The following GPAT4 variants were observed in gnomAD, a reference collection of about 807,000 sequenced individuals.
GPAT4 encodes the protein 1-AGP acyltransferase 6.
In GPAT4, 17 loss-of-function variants were observed where a neutral mutation model predicts 58.0. The observed-to-expected ratio is 0.29, with a 90% CI of 0.20 to 0.44. The LOEUF is 0.44. GPAT4 is among the 20% of genes least tolerant of loss of function. GPAT4 has a pLI of 1.00. For synonymous variants in GPAT4, 204 were observed against 210.1 expected, an observed-to-expected ratio of 0.97 and a Z score of 0.25; for missense variants, 377 against 574.5, an observed-to-expected ratio of 0.66 and a Z score of 3.51.
At position 41,599,171 on chromosome 8, in the gene GPAT4, T is replaced by C; in HGVS notation, c.32T>C (p.Ile11Thr). 6.2e-7 allele frequency: 1 copy of C among 1,613,158 alleles called. No homozygotes were observed. The highest frequency in any genetic ancestry group is 1.3e-5 in the African/African-American group (1 of 74,962). The part of the protein sequence containing the change: MFLLLPFDSL[I>T]VNLLGISLTV... The stretch of plus-strand genomic sequence containing the variant: ...CTGTTGCTGCCTTTTGATAGCCTGA[T>C]TGTCAACCTTCTGGGCATCTCCCTG... Residue 11 changes from isoleucine (I) to threonine (T), a missense_variant, in exon 2 of 13, where the codon ATT becomes ACT. Transcript: ENST00000396987.
chr8:41,600,560 GTACT>G (rs1466181547), intron 2 of GPAT4, among the ~76,000 whole-genome samples: 1 of 150,782 alleles, frequency 6.6e-6, no homozygotes, highest in Non-Finnish European at 1.5e-5. Context: ...TTCTTTTTTG[GTACT>G]TAGTATGTCT....
At position 41,583,455 on chromosome 8, in the gene GPAT4, T is replaced by A. The variant is rs550473551; in HGVS notation, c.-849+5177T>A. On this transcript the variant is annotated intron_variant, in intron 1 of 12. Transcript: ENST00000396987. ...GATTTGAAAGTCAATTTAAATTTTT[T>A]TAAAAAAATTGTATAAAGTAGAAAC... is the stretch of plus-strand genomic sequence containing the variant. Among the ~76,000 whole-genome samples the A allele has an allele frequency of 9.2e-5, 14 of 152,148 alleles. No homozygotes were observed. The East Asian group carries it at 1.5e-3, about 17-fold the overall frequency.
chr8:41,605,480 G>T (rs1023924246), intron 2 of GPAT4, among the ~76,000 whole-genome samples: 1 of 152,196 alleles, frequency 6.6e-6, no homozygotes, highest in Non-Finnish European at 1.5e-5. Context: ...AAAACACGGC[G>T]CATGGAGGGA....
intron 1 of GPAT4, among the ~76,000 whole-genome samples, chr8:41,597,859 G>A (rs755174068): frequency 6.6e-6 from 1 of 151,452 alleles, no homozygotes; most frequent in Non-Finnish European, 1.5e-5. Context: ...ATTGGTGACG[G>A]AGAACCATTG....
chr8:41,609,129 C>T (rs1803364416), intron 2 of GPAT4, among the ~76,000 whole-genome samples: 1 of 152,174 alleles, frequency 6.6e-6, no homozygotes, highest in African/African-American at 2.4e-5. Context: ...TCCCTACAGC[C>T]CGGAGACAGA....
chr8:41,611,799 A>G (rs905885905), intron 5 of GPAT4, 104 bp from the exon 6 acceptor site: 1 of 999,904 alleles, frequency 1.0e-6, no homozygotes. Flanking sequence ...TGTCTATACA[A>G]GCACTTTGCT....
Position 41,611,996 on chromosome 8 carries a change from A to G in GPAT4, c.701+4A>G, listed in dbSNP as rs1398341419. 6.2e-7 allele frequency: 1 copy of G among 1,614,092 alleles called. No individual in the cohort carries two copies. Among genetic ancestry groups the G allele is most frequent in the Admixed American group, 1.7e-5 (1 of 60,012 alleles). ...CCATCATCACCTACCATGACAGGTG[A>G]GAGCGCTTTGTATTGATAGGAAGGG... On this transcript the variant is annotated splice_donor_region_variant and intron_variant, in intron 6 of 12. Transcript: ENST00000396987.
chr8:41,607,739 G>GGCT (rs1024663553), intron 2 of GPAT4, among the ~76,000 whole-genome samples: 21 of 152,056 alleles, frequency 1.4e-4, no homozygotes, highest in African/African-American at 4.3e-4. Context: ...ATGTTGCCCA[G>GGCT]GCTGGTCTCA....
At chr8:41,584,188 C>T (rs1262627910) in intron 1 of GPAT4, among the ~76,000 whole-genome samples, 4 of 152,258 alleles carry the variant, frequency 2.6e-5, no homozygotes, top group Non-Finnish European at 2.9e-5. Context: ...TGAGCCACTG[C>T]GCCTGGCCAG....
intron 1 of GPAT4, among the ~76,000 whole-genome samples, chr8:41,578,899 A>G (rs1393095256): frequency 1.3e-5 from 2 of 152,210 alleles, no homozygotes; most frequent in African/African-American, 2.4e-5. Context: ...AGTTGCAGAA[A>G]ATAGCTTATA....
At chr8:41,612,362 C>A in intron 7 of GPAT4, 89 bp downstream of exon 7, 3 of 1,299,066 alleles carry the variant, frequency 2.3e-6, no homozygotes, top group Non-Finnish European at 3.3e-6. Context: ...TTCACATAAA[C>A]ACATTTATGC....
chr8:41,584,095 C>T (rs1035364263), intron 1 of GPAT4, among the ~76,000 whole-genome samples: 1 of 152,248 alleles, frequency 6.6e-6, no homozygotes, highest in South Asian at 2.1e-4. Context: ...TGGGGTCTCT[C>T]CTTGTTGTCC....
chr8:41,603,525 C>G (rs1235295846), intron 2 of GPAT4, among the ~76,000 whole-genome samples: 1 of 85,306 alleles, frequency 1.2e-5, no homozygotes, highest in Non-Finnish European at 2.4e-5. Context: ...GACTCCGTCT[C>G]AAAAAAAAAA....
intron 8 of GPAT4, 73 bp from the exon 9 acceptor site, chr8:41,614,313 G>A: frequency 7.9e-7 from 1 of 1,268,560 alleles, no homozygotes; most frequent in Non-Finnish European, 1.1e-6. Flanking sequence ...CAAATAAATA[G>A]GTTATTTATA....
intron 1 of GPAT4, among the ~76,000 whole-genome samples, chr8:41,581,452 TTTTA>T (rs1213516624): frequency 2.6e-5 from 4 of 152,110 alleles, no homozygotes; most frequent in Non-Finnish European, 4.4e-5. Flanking sequence ...TGCACTTGAC[TTTTA>T]TTTATTTATT....
intron 1 of GPAT4, among the ~76,000 whole-genome samples, chr8:41,581,820 A>T (rs1463127181): frequency 4.8e-5 from 7 of 146,332 alleles, no homozygotes; most frequent in African/African-American, 1.8e-4. Context: ...TTTTTAGTAG[A>T]GACAGGGTTT....
Position 41,609,726 on chromosome 8 carries a change from G to C in GPAT4, c.307G>C (p.Ala103Pro). The C allele has an allele frequency of 6.2e-7, 1 of 1,614,114 alleles. No homozygotes were observed. The highest frequency in any genetic ancestry group is 2.2e-5 in the East Asian group (1 of 44,876). The change falls in exon 4 of 13, where the codon GCT becomes CCT. Residue 103 changes from alanine (A) to proline (P), a missense_variant. Coordinates refer to ENST00000396987, the MANE Select transcript of GPAT4 (RefSeq NM_178819.4). ...GATTCGTCGAAGTGGTAGTAGTAAG[G>C]CTCTGGACAACACTCCAGAGTTCGA... The part of the protein sequence containing the change: ...KEIRRSGSSK[A>P]LDNTPEFELS...
chr8:41,610,521 T>C (rs1803409682), intron 4 of GPAT4: 1 of 1,421,438 alleles, frequency 7.0e-7, no homozygotes. Context: ...TGCAGGCAGC[T>C]GAGAGCCAGA....
At chr8:41,596,854 C>T (rs977640795) in intron 1 of GPAT4, among the ~76,000 whole-genome samples, 9 of 152,152 alleles carry the variant, frequency 5.9e-5, no homozygotes, top group Admixed American at 3.9e-4. Flanking sequence ...AGTGGACTCA[C>T]GTCTTCAAAA....
Sources: allele counts gnomAD v4.1 joint callset (sites outside exome capture counted in the v4.1 genomes callset), GRCh38; gene constraint gnomAD v4.1.1; transcripts MANE v1.5; gene names NCBI Gene and HGNC (gene_info 2026-07-23, HGNC 2026-07-21).